The following CEP192 variants were observed in gnomAD, a reference collection of about 807,000 sequenced individuals.
CEP192 encodes the protein centrosomal protein 192, also known as centrosomal protein of 192 kDa.
A neutral mutation model predicts 271.8 loss-of-function variants in CEP192; 151 were observed. That is an observed-to-expected ratio of 0.56 (90% CI 0.49 to 0.64). The LOEUF (loss-of-function observed/expected upper bound fraction) is 0.64, where lower values mean the gene tolerates loss of function less well. Ranked by LOEUF, CEP192 falls within the 30% of genes least tolerant of loss-of-function variation. The pLI is 0.00. For synonymous variants in CEP192, 995 were observed against 1,076.5 expected (o/e 0.92, Z 1.48); for missense variants, 2,910 against 3,020.5 (o/e 0.96, Z 0.86).
At chr18:13,001,133 A>C (rs1376286883) in intron 2 of CEP192, among the ~76,000 whole-genome samples, 1 of 152,210 alleles carries the variant, frequency 6.6e-6, no homozygotes, top group Admixed American at 6.5e-5. Context: ...CCTATGCTTA[A>C]ACTGGCCACT....
At chr18:13,094,518 G>A (rs1354060527) in intron 34 of CEP192, among the ~76,000 whole-genome samples, 8 of 151,984 alleles carry the variant, frequency 5.3e-5, no homozygotes, top group Admixed American at 1.3e-4. Context: ...TAGGTCCCCC[G>A]TCCTTCTTTG....
At chr18:12,994,524 A>G (rs2033090983) in intron 1 of CEP192, among the ~76,000 whole-genome samples, 1 of 152,070 alleles carries the variant, frequency 6.6e-6, no homozygotes, top group Non-Finnish European at 1.5e-5. Context: ...TTCTTGGATA[A>G]TTAATTGTAG....
chr18:13,089,058 C>A (rs2039022566), intron 32 of CEP192, among the ~76,000 whole-genome samples: 1 of 152,130 alleles, frequency 6.6e-6, no homozygotes, highest in Non-Finnish European at 1.5e-5. Flanking sequence ...ACCTCAGATT[C>A]TCTGGAAGGA....
chr18:13,113,875 C>G (rs772792123), intron 41 of CEP192, among the ~76,000 whole-genome samples, 170 bp downstream of exon 41: 1 of 152,050 alleles, frequency 6.6e-6, no homozygotes, highest in Non-Finnish European at 1.5e-5. Context: ...CTGTATTGTT[C>G]ATACAGCCCA....
At chr18:13,057,873 AC>A (rs2037199710) in intron 20 of CEP192, 140 bp downstream of exon 20, 2 of 687,518 alleles carry the variant, frequency 2.9e-6, no homozygotes, top group East Asian at 5.9e-5. Flanking sequence ...TTTCTCTCAG[AC>A]CCCTTTTGTT....
chr18:12,993,513 C>A (rs755940437), intron 1 of CEP192, among the ~76,000 whole-genome samples: 3 of 152,168 alleles, frequency 2.0e-5, no homozygotes, highest in African/African-American at 4.8e-5. Flanking sequence ...ACTTTGTTGC[C>A]TAGGCTGGAT....
rs1432790175 is a variant in CEP192, at chr18:13,096,269, C to T, written c.6519C>T (p.Cys2173=). The T allele has an allele frequency of 6.2e-7, 1 of 1,613,902 alleles. No individual in the cohort carries two copies. Among genetic ancestry groups the T allele is most frequent in the Non-Finnish European group, 8.5e-7 (1 of 1,179,850 alleles). Residue 2173 remains cysteine (C), a synonymous_variant, in exon 36 of 45, where the codon TGC becomes TGT. Coordinates refer to ENST00000506447, the MANE Select transcript of CEP192 (RefSeq NM_032142.4). ...TTGAGCTGTGCTGGCCAGCGCATTG[C>T]CTCACAGTCACGCCGCAGCATGGAT... The part of the protein sequence containing the change: ...LRFELCWPAH[C]LTVTPQHGCV...
intron 27 of CEP192, among the ~76,000 whole-genome samples, chr18:13,070,547 T>TA (rs1302986546): frequency 6.6e-6 from 1 of 152,222 alleles, no homozygotes; most frequent in Non-Finnish European, 1.5e-5. Context: ...AATATCAACT[T>TA]AGAGTCAGAG....
chr18:13,079,948 A>T (rs529500307), intron 30 of CEP192, among the ~76,000 whole-genome samples: 1 of 152,012 alleles, frequency 6.6e-6, no homozygotes, highest in East Asian at 1.9e-4. Context: ...ATGGTTGTAG[A>T]TGTGTGGTGT....
At chr18:13,123,178 G>A (rs541910840) in intron 44 of CEP192, among the ~76,000 whole-genome samples, 1 of 151,918 alleles carries the variant, frequency 6.6e-6, no homozygotes, top group African/African-American at 2.4e-5. Flanking sequence ...TAGGCAAATG[G>A]TACTATATTT....
At chr18:13,039,241 G>C (rs989913365) in intron 13 of CEP192, among the ~76,000 whole-genome samples, 52 of 152,046 alleles carry the variant, frequency 3.4e-4, no homozygotes, top group Non-Finnish European at 2.8e-4. Context: ...GATCACTTGA[G>C]GTCAGGAGTT....
chr18:13,069,474 C>T (rs777783236), intron 26 of CEP192, among the ~76,000 whole-genome samples: 3 of 152,130 alleles, frequency 2.0e-5, no homozygotes, highest in Non-Finnish European at 2.9e-5. Flanking sequence ...GATCCGCACA[C>T]GTTGACATCA....
At chr18:13,103,650 A>G in intron 39 of CEP192, 62 bp downstream of exon 39, 2 of 1,245,314 alleles carry the variant, frequency 1.6e-6, no homozygotes, top group Non-Finnish European at 2.4e-6. Context: ...AGGATGTTCT[A>G]AAAACTGACT....
chr18:13,059,411 G>T, intron 21 of CEP192, 99 bp downstream of exon 21: 3 of 890,182 alleles, frequency 3.4e-6, no homozygotes, highest in Non-Finnish European at 1.8e-6. Flanking sequence ...TGTGGACGAA[G>T]GTGCCACAAA....
Position 13,056,497 on chromosome 18 carries a change from CCTGTGCAGAACT to C in CEP192, c.3913_3924del (p.Gln1305_Val1308del). 1 of 1,614,156 alleles carries C rather than the reference CCTGTGCAGAACT, an allele frequency of 6.2e-7. No individual in the cohort carries two copies. Among genetic ancestry groups the C allele is most frequent in the Non-Finnish European group, 8.5e-7 (1 of 1,179,986 alleles). Reference sequence around the variant, plus strand: ...TCCCTATCCAGCTGTTGCAGGAGAGCCTGTGCAGAACTCTGTGGCTGTGGGAATTTGTCTAGG... The same window carrying C: ...TCCCTATCCAGCTGTTGCAGGAGAGCCTGTGGCTGTGGGAATTTGTCTAGG... On this transcript the variant is annotated inframe_deletion, in exon 19 of 45. Coordinates refer to ENST00000506447, the MANE Select transcript of CEP192 (RefSeq NM_032142.4).
chr18:13,011,118 T>C (rs1410500621), intron 4 of CEP192, among the ~76,000 whole-genome samples: 4 of 144,880 alleles, frequency 2.8e-5, no homozygotes, highest in Non-Finnish European at 6.1e-5. Context: ...TCCCAGCTAC[T>C]TGGGGGGCTG....
At chr18:13,113,560 A>T in intron 40 of CEP192, 26 bp from the exon 41 acceptor site, 1 of 1,608,962 alleles carries the variant, frequency 6.2e-7, no homozygotes, top group South Asian at 1.1e-5. Context: ...CAGTGTCTAA[A>T]TTTCTCTTCT....
chr18:13,083,011 C>T (rs1168574294), intron 30 of CEP192, among the ~76,000 whole-genome samples: 9 of 152,258 alleles, frequency 5.9e-5, no homozygotes, highest in African/African-American at 2.2e-4. Context: ...GATGTGCTTC[C>T]CTTTGTGGGT....
At chr18:13,072,940 C>T in intron 29 of CEP192, 69 bp from the exon 30 acceptor site, 1 of 1,545,894 alleles carries the variant, frequency 6.5e-7, no homozygotes, top group East Asian at 2.3e-5. Context: ...TTTTAAGAAT[C>T]TGTGTTAATG....
Sources: allele counts gnomAD v4.1 joint callset (sites outside exome capture counted in the v4.1 genomes callset), GRCh38; gene constraint gnomAD v4.1.1; transcripts MANE v1.5; gene names NCBI Gene and HGNC (gene_info 2026-07-23, HGNC 2026-07-21).